KCNJ18: variants seen among roughly 807,000 people sequenced by gnomAD.
KCNJ18 encodes inward rectifier potassium channel 18.
KCNJ18 carries 16 observed loss-of-function variants against 17.3 expected under a neutral mutation model. That is an observed-to-expected ratio of 0.92 (90% CI 0.62 to 1.40). The LOEUF is 1.40. Among genes scored for constraint, KCNJ18 ranks in the 40% most tolerant of loss-of-function variants. The probability of loss-of-function intolerance (pLI) is 0.00; values close to 1 mark genes in which losing one functional copy is unlikely to be tolerated. For missense variants in KCNJ18, 462 were observed against 626.8 expected, an observed-to-expected ratio of 0.74 and a Z score of 2.81; for synonymous variants, 185 against 262.6, an observed-to-expected ratio of 0.70 and a Z score of 2.86.
At chr17:21,695,111 C>G (rs1196124780) in intron 1 of KCNJ18, among the ~76,000 whole-genome samples, 3 of 152,298 alleles carry the variant, frequency 2.0e-5, no homozygotes, top group Non-Finnish European at 4.4e-5. Context: ...AGTCACCCAC[C>G]CATCTACCCT....
intron 2 of KCNJ18, among the ~76,000 whole-genome samples, chr17:21,698,184 G>A (rs1294116296): frequency 2.0e-5 from 3 of 152,182 alleles, no homozygotes; most frequent in Admixed American, 6.5e-5. Context: ...CAGGCCTCAG[G>A]TCTTGGTGTT....
At position 21,704,306 on chromosome 17, in the gene KCNJ18, C is replaced by T. The variant is rs1302152665; in HGVS notation, c.*218C>T. The T allele has an allele frequency of 1.5e-5, 9 of 608,632 alleles. No individual in the cohort carries two copies. The Admixed American group carries it at 3.1e-4, about 21-fold the overall frequency. 37.7% of individuals were successfully genotyped at this position (608,632 alleles called of 1,614,324 possible). A position where few individuals can be genotyped will look rare whatever the true frequency, so the allele number is the denominator to read the frequency against. On this transcript the variant is annotated 3_prime_UTR_variant, in exon 3 of 3. Coordinates refer to ENST00000567955, the MANE Select transcript of KCNJ18 (RefSeq NM_001194958.2). ...CCGGCCTCAGAGGCTATCACAGGCT[C>T]AGGGCAAAGAAGTGGCCTCCTGGGG...
Position 21,702,766 on chromosome 17 carries a change from C to G in KCNJ18, c.-21C>G. Reference sequence around the variant, plus strand: ...GCCTGGAGCTAGCCTGGGGGTGAGCCAGGGTCCCCCAACCCCCGGGATGAC... The same window carrying G: ...GCCTGGAGCTAGCCTGGGGGTGAGCGAGGGTCCCCCAACCCCCGGGATGAC... On this transcript the variant is annotated 5_prime_UTR_variant, in exon 3 of 3. Transcript: ENST00000567955. The G allele has an allele frequency of 6.4e-7, 1 of 1,565,556 alleles. No homozygotes were observed. The highest frequency in any genetic ancestry group is 1.2e-5 in the South Asian group (1 of 86,448).
chr17:21,703,556 A>T lies in KCNJ18; in HGVS notation c.770A>T (p.Lys257Met). 6.2e-7 allele frequency: 1 copy of T among 1,612,156 alleles called. No homozygotes were observed. The highest frequency in any genetic ancestry group is 8.5e-7 in the Non-Finnish European group (1 of 1,179,276). The stretch of plus-strand genomic sequence containing the variant: ...ATCGACATCGATGTGGGCTTCGACA[A>T]GGGCCTGGACCGCATCTTTCTGGTG... ...DQIDIDVGFD[K>M]GLDRIFLVSP... The change falls in exon 3 of 3, where the codon AAG becomes ATG. Residue 257 changes from lysine (K) to methionine (M), a missense_variant. Around this residue, in one of 5 missense-constraint regions of KCNJ18, gnomAD observed 55 missense variants for 69.1 expected, o/e 0.80. Transcript: ENST00000567955.
intron 2 of KCNJ18, among the ~76,000 whole-genome samples, chr17:21,696,392 C>T: frequency 6.6e-6 from 1 of 152,286 alleles, no homozygotes; most frequent in Middle Eastern, 3.4e-3. Context: ...CTGCTCACCC[C>T]TATCATCCAC....
At chr17:21,697,210 G>A (rs1905784572) in intron 2 of KCNJ18, among the ~76,000 whole-genome samples, 1 of 152,312 alleles carries the variant, frequency 6.6e-6, no homozygotes, top group South Asian at 2.1e-4. Flanking sequence ...AGACAGGTGG[G>A]CCTGAGGTGG....
intron 1 of KCNJ18, among the ~76,000 whole-genome samples, chr17:21,695,069 A>G (rs1170860832): frequency 5.2e-4 from 79 of 152,196 alleles, no homozygotes; most frequent in African/African-American, 1.9e-3. Flanking sequence ...TCACCCATCT[A>G]TCCCTCCATT....
chr17:21,703,852 C>G lies in KCNJ18; in HGVS notation c.1066C>G (p.Arg356Gly), dbSNP rs1466647603. ...GACCTATGAGGTGCCCTCTACGCCCCGCTGCAGTGCGAAGGATCTGGTAGA... is the reference window on the plus strand; with the variant it reads ...GACCTATGAGGTGCCCTCTACGCCCGGCTGCAGTGCGAAGGATCTGGTAGA... ...HKTYEVPSTP[R>G]CSAKDLVENK... Residue 356 changes from arginine to glycine, a missense_variant, in exon 3 of 3, where the codon CGC becomes GGC. By Grantham distance (125) the Arg-to-Gly change is moderately radical. Around this residue, in one of 5 missense-constraint regions of KCNJ18, gnomAD observed 123 missense variants for 117.5 expected, o/e 1.05. Transcript: ENST00000567955. The G allele has an allele frequency of 1.2e-6, 2 of 1,612,200 alleles. No homozygotes were observed. Among genetic ancestry groups the G allele is most frequent in the African/African-American group, 2.7e-5 (2 of 74,800 alleles).
intron 2 of KCNJ18, 150 bp from the exon 3 acceptor site, chr17:21,702,581 G>T (rs1227623663): frequency 1.4e-6 from 1 of 722,404 alleles, no homozygotes; most frequent in Non-Finnish European, 2.2e-6. Context: ...TGGGAAGGCG[G>T]AGTGGGGAGC....
intron 2 of KCNJ18, among the ~76,000 whole-genome samples, chr17:21,701,617 GACA>G (rs1479163395): frequency 2.0e-5 from 3 of 152,218 alleles, no homozygotes; most frequent in African/African-American, 7.2e-5. Flanking sequence ...CCCTGGGAAG[GACA>G]ACAAGAAGCA....
At chr17:21,695,702 A>G (rs1194721956) in intron 1 of KCNJ18, among the ~76,000 whole-genome samples, 1 of 152,302 alleles carries the variant, frequency 6.6e-6, no homozygotes, top group Non-Finnish European at 1.5e-5. Context: ...TGTATGTAAA[A>G]TGCCTACTAT....
intron 2 of KCNJ18, among the ~76,000 whole-genome samples, chr17:21,698,047 G>T (rs1282316427): frequency 6.6e-6 from 1 of 151,982 alleles, no homozygotes; most frequent in Non-Finnish European, 1.5e-5. Context: ...GTGGCTGTGG[G>T]TTGGAGTGCT....
intron 2 of KCNJ18, among the ~76,000 whole-genome samples, chr17:21,698,084 T>C (rs1420510886): frequency 3.3e-5 from 5 of 149,472 alleles, no homozygotes; most frequent in Non-Finnish European, 6.0e-5. Flanking sequence ...CCTGTTCTTT[T>C]GAGTGCCGAT....
chr17:21,693,700 G>T, intron 1 of KCNJ18, among the ~76,000 whole-genome samples: 1 of 152,310 alleles, frequency 6.6e-6, no homozygotes, highest in South Asian at 2.1e-4. Context: ...ACTCGGGGAA[G>T]GGGGTGGACC....
rs1394274409 is a variant in KCNJ18 at position 21,704,341 on chromosome 17, A to C, written c.*253A>C. 1 of 496,224 alleles carries C rather than the reference A, an allele frequency of 2.0e-6. No individual in the cohort carries two copies. The highest frequency in any genetic ancestry group is 3.5e-6 in the Non-Finnish European group (1 of 285,536). The allele number at this position is 496,224 out of a possible 1,614,324, so 30.7% of individuals were successfully genotyped here. A position where few individuals can be genotyped will look rare whatever the true frequency, so the allele number is the denominator to read the frequency against. ...AAGTGGCCTCCTGGGGGGCCAGGCC[A>C]CGGGGGCCAGGGCTTCTGCCTGAAG... On this transcript the variant is annotated 3_prime_UTR_variant, in exon 3 of 3. Coordinates refer to ENST00000567955, the MANE Select transcript of KCNJ18 (RefSeq NM_001194958.2).
intron 2 of KCNJ18, among the ~76,000 whole-genome samples, chr17:21,699,562 ACTCT>A (rs1226893132): frequency 6.6e-6 from 1 of 151,862 alleles, no homozygotes; most frequent in Non-Finnish European, 1.5e-5. Flanking sequence ...CTGGGCTCCA[ACTCT>A]CTCTTCTGCT....
intron 2 of KCNJ18, among the ~76,000 whole-genome samples, chr17:21,700,820 G>T (rs2142270706): frequency 1.0e-5 from 1 of 98,394 alleles, no homozygotes. Flanking sequence ...TGCAGCGCCT[G>T]GTTCACAGTG....
chr17:21,695,058 T>C (rs1227995967), intron 1 of KCNJ18, among the ~76,000 whole-genome samples: 2 of 151,728 alleles, frequency 1.3e-5, no homozygotes, highest in Non-Finnish European at 2.9e-5. Context: ...CATCCACCCA[T>C]TCACCCATCT....
At position 21,703,853 on chromosome 17, in the gene KCNJ18, G is replaced by T. The variant is rs1157008943; in HGVS notation, c.1067G>T (p.Arg356Leu). The part of the protein sequence containing the change: ...HKTYEVPSTP[R>L]CSAKDLVENK... Reference sequence around the variant, plus strand: ...ACCTATGAGGTGCCCTCTACGCCCCGCTGCAGTGCGAAGGATCTGGTAGAG... The same window carrying T: ...ACCTATGAGGTGCCCTCTACGCCCCTCTGCAGTGCGAAGGATCTGGTAGAG... Residue 356 changes from arginine (R) to leucine (L), a missense_variant, in exon 3 of 3, where the codon CGC (arginine) becomes CTC (leucine). By Grantham distance (102) the Arg-to-Leu change is moderately radical. Transcript: ENST00000567955. The T allele has an allele frequency of 1.2e-6, 2 of 1,612,274 alleles. No homozygotes were observed. Among genetic ancestry groups the T allele is most frequent in the Non-Finnish European group, 1.7e-6 (2 of 1,179,886 alleles).
Sources: gnomAD v4.1 joint callset for allele counts (sites outside exome capture counted in the v4.1 genomes callset) on GRCh38, gnomAD v4.1.1 for gene constraint, gnomAD v4.1.1 regional missense constraint, MANE v1.5 for transcripts, NCBI Gene and HGNC (gene_info 2026-07-23, HGNC 2026-07-21) for gene names.